The following NES variants were observed in gnomAD, a reference collection of about 807,000 sequenced individuals.
The protein encoded by NES is nestin.
A neutral mutation model predicts 35.6 loss-of-function variants in NES; 27 were observed. The ratio of observed to expected loss-of-function variants is 0.76; its 90% CI spans 0.56 to 1.04. The LOEUF (loss-of-function observed/expected upper bound fraction) is 1.04. NES is among the 50% of genes least tolerant of loss of function. NES has a pLI of 0.00. For missense variants in NES, 1,867 were observed against 1,983.6 expected (o/e 0.94, Z 1.12); for synonymous variants, 822 against 824.2 (o/e 1.00, Z 0.04).
chr1:156,673,435 A>T lies in NES; in HGVS notation c.982+19T>A, dbSNP rs750569377. 6.2e-7 allele frequency: 1 copy of T among 1,606,822 alleles called. No individual in the cohort carries two copies. Among genetic ancestry groups the T allele is most frequent in the Admixed American group, 1.7e-5 (1 of 59,498 alleles). ...GCAAAGCAGGGTAGTTTCTGGGGGA[A>T]CTTGGCCCCTCCTCTTACCCTGAAA... On this transcript the variant is annotated intron_variant, in intron 3 of 3. Transcript: ENST00000368223.
rs1245819918 is a variant in NES, at chr1:156,672,336, C to T, written c.1852G>A (p.Gly618Arg). Residue 618 changes from glycine (G) to arginine (R), a missense_variant, in exon 4 of 4, where the codon GGA (glycine) becomes AGA (arginine). By Grantham distance (125) the Gly-to-Arg change is moderately radical (BLOSUM62 -2). Transcript: ENST00000368223. ...KEAVGQLKPT[G>R]KEDTQTLQSL... ...TGCAATGTCTGTGTGTCCTCTTTTC[C>T]TGTAGGCTTAAGTTGGCCTACAGCC... 1 of 1,612,162 alleles carries T rather than the reference C, an allele frequency of 6.2e-7. No individual in the cohort carries two copies. Among genetic ancestry groups the T allele is most frequent in the South Asian group, 1.1e-5 (1 of 90,830 alleles).
chr1:156,671,455 C>T lies in NES; in HGVS notation c.2733G>A (p.Lys911=), dbSNP rs1289636375. The T allele has an allele frequency of 2.5e-5, 40 of 1,613,840 alleles. No homozygotes were observed. In the East Asian group the frequency reaches 8.9e-4, roughly 36 times the overall value. The stretch of plus-strand genomic sequence containing the variant: ...CCTCTTCCAGATTCCTTTGACTTTC[C>T]TTGTCTACCTCCTCTGGAGATCTCA... The part of the protein sequence containing the change: ...ENLRSPEEVD[K]ESQRNLEEEE... Residue 911 remains lysine, a synonymous_variant, in exon 4 of 4, where the codon AAG becomes AAA. Coordinates refer to ENST00000368223, the MANE Select transcript of NES (RefSeq NM_006617.2).
rs150490437 is a variant in NES at position 156,669,320 on chromosome 1, T to C, written c.*2A>G. The C allele has an allele frequency of 2.9e-5, 45 of 1,544,462 alleles. 1 individual carries two copies. In the African/African-American group the frequency reaches 5.6e-4, roughly 19 times the overall value. On this transcript the variant is annotated 3_prime_UTR_variant, in exon 4 of 4. Transcript: ENST00000368223. ...CCCCAGTGCCGGGCAGATGGTCTTTTCCTAGTCCTCCCCTGAGGACCAGGA... is the reference window on the plus strand; with the variant it reads ...CCCCAGTGCCGGGCAGATGGTCTTTCCCTAGTCCTCCCCTGAGGACCAGGA...
rs1282516761 is a variant in NES, at chr1:156,671,000, A to T, written c.3188T>A (p.Ile1063Lys). 3 of 1,611,120 alleles carry T rather than the reference A, an allele frequency of 1.9e-6. No homozygotes were observed. The highest frequency in any genetic ancestry group is 2.5e-6 in the Non-Finnish European group (3 of 1,179,066). Reference protein sequence around the residue: ...LQAPQGLPEAIEPLVEDDVAP... With the variant: ...LQAPQGLPEAKEPLVEDDVAP... Reference sequence around the variant, plus strand: ...CACATCATCTTCCACCAGGGGCTCTATCGCCTCTGGCAGCCCCTGGGGAGC... The same window carrying T: ...CACATCATCTTCCACCAGGGGCTCTTTCGCCTCTGGCAGCCCCTGGGGAGC... Residue 1063 changes from isoleucine (I) to lysine (K), a missense_variant, in exon 4 of 4, where the codon ATA (isoleucine) becomes AAA (lysine). Ile to Lys is a moderately radical substitution (Grantham distance 102). Transcript: ENST00000368223.
chr1:156,677,242 T>A lies in NES; in HGVS notation c.23A>T (p.Glu8Val), dbSNP rs566053868. 12 of 1,612,116 alleles carry A rather than the reference T, an allele frequency of 7.4e-6. No homozygotes were observed. Among genetic ancestry groups the A allele is most frequent in the Non-Finnish European group, 1.0e-5 (12 of 1,179,780 alleles). Residue 8 changes from glutamate (E) to valine (V), a missense_variant, in exon 1 of 4, where the codon GAG (glutamate) becomes GTG (valine). By Grantham distance (121) the Glu-to-Val change is moderately radical (BLOSUM62 -2). Coordinates refer to ENST00000368223, the MANE Select transcript of NES (RefSeq NM_006617.2). The surrounding 1 kb of genome is among the most constrained non-coding windows in gnomAD (Gnocchi z 4.5). MEGCMGEESFQMWELNRR... is the reference protein window; with the variant it reads MEGCMGEVSFQMWELNRR... ...ATTGAGCTCCCACATCTGAAACGAC[T>A]CCTCCCCCATGCAGCCCTCCATCCT... is the stretch of plus-strand genomic sequence containing the variant.
chr1:156,677,358 C>G lies in NES; in HGVS notation c.-94G>C, dbSNP rs1647338908. The stretch of plus-strand genomic sequence containing the variant: ...TTTTAGGACGGAAGAGAAAAGAGAC[C>G]GACGGGGACAATGACGGGGCGGGGC... On this transcript the variant is annotated 5_prime_UTR_variant, in exon 1 of 4. Transcript: ENST00000368223. This position sits in a 1 kb window ranked among gnomAD's most constrained non-coding sequence, Gnocchi z 4.5. The G allele has an allele frequency of 2.2e-6, 1 of 445,778 alleles. No homozygotes were observed. Among genetic ancestry groups the G allele is most frequent in the Non-Finnish European group, 3.8e-6 (1 of 261,208 alleles). The allele number at this position is 445,778 out of a possible 1,614,324, so 27.6% of individuals were successfully genotyped here. A position where few individuals can be genotyped will look rare whatever the true frequency, so the allele number is the denominator to read the frequency against.
chr1:156,670,442 A>G lies in NES; in HGVS notation c.3746T>C (p.Val1249Ala). ...CCCCAGGGCTTCAGCCCTCCCCTGC[A>G]CCCCCCAGCTAGCCTCCTGACTCCC... ...AEGSQEASWG[V>A]QGRAEALGKV... is the part of the protein sequence containing the mutation. Residue 1249 changes from valine to alanine, a missense_variant, in exon 4 of 4, where the codon GTG becomes GCG. Val to Ala is a moderately conservative substitution (Grantham distance 64). Coordinates refer to ENST00000368223, the MANE Select transcript of NES (RefSeq NM_006617.2). The G allele has an allele frequency of 6.4e-7, 1 of 1,559,304 alleles. No homozygotes were observed. Among genetic ancestry groups the G allele is most frequent in the Non-Finnish European group, 8.7e-7 (1 of 1,152,428 alleles).
rs761562198 is a variant in NES, at chr1:156,670,443, C to T, written c.3745G>A (p.Val1249Met). The T allele has an allele frequency of 1.9e-6, 3 of 1,560,734 alleles. No homozygotes were observed. The highest frequency in any genetic ancestry group is 1.4e-5 in the African/African-American group (1 of 73,484). Residue 1249 changes from valine (V) to methionine (M), a missense_variant, in exon 4 of 4, where the codon GTG becomes ATG. Physicochemically the swap from Val to Met is conservative, Grantham distance 21. Transcript: ENST00000368223. ...CCCAGGGCTTCAGCCCTCCCCTGCACCCCCCAGCTAGCCTCCTGACTCCCT... is the reference window on the plus strand; with the variant it reads ...CCCAGGGCTTCAGCCCTCCCCTGCATCCCCCAGCTAGCCTCCTGACTCCCT... ...AEGSQEASWGVQGRAEALGKV... is the reference protein window; with the variant it reads ...AEGSQEASWGMQGRAEALGKV...
Position 156,673,218 on chromosome 1 carries a change from AG to A in NES, c.983-14del, listed in dbSNP as rs1362710988. 1 of 1,493,828 alleles carries A rather than the reference AG, an allele frequency of 6.7e-7. No homozygotes were observed. Among genetic ancestry groups the A allele is most frequent in the Non-Finnish European group, 8.9e-7 (1 of 1,120,464 alleles). 92.5% of individuals were successfully genotyped at this position (1,493,828 alleles called of 1,614,324 possible). On this transcript the variant is annotated splice_polypyrimidine_tract_variant and intron_variant, in intron 3 of 3. Coordinates refer to ENST00000368223, the MANE Select transcript of NES (RefSeq NM_006617.2). ...TCCAGCTTGGGGTCTGGAAAGGCAGAGGGGGAAGAAACAGCATCAGTATATC... is the reference window on the plus strand; with the variant it reads ...TCCAGCTTGGGGTCTGGAAAGGCAGAGGGGAAGAAACAGCATCAGTATATC...
Position 156,670,256 on chromosome 1 carries a change from G to C in NES, c.3932C>G (p.Pro1311Arg). The C allele has an allele frequency of 6.2e-7, 1 of 1,612,052 alleles. No individual in the cohort carries two copies. The highest frequency in any genetic ancestry group is 8.5e-7 in the Non-Finnish European group (1 of 1,178,750). The part of the protein sequence containing the change: ...LGFYLRSPTS[P>R]RWDPTGEQRP... ...CTGCTCTCCAGTGGGGTCCCACCTG[G>C]GGGAGGTGGGGGACCTGAGGTAGAA... Residue 1311 changes from proline (P) to arginine (R), a missense_variant, in exon 4 of 4, where the codon CCC becomes CGC. Physicochemically the swap from Pro to Arg is moderately radical, Grantham distance 103 (BLOSUM62 -2). Transcript: ENST00000368223.
chr1:156,676,786 C>T lies in NES; in HGVS notation c.479G>A (p.Arg160His), dbSNP rs1281669064. Reference sequence around the variant, plus strand: ...AGGCCCGCGGGGCGGCGCGGGGCAGCGGGGGGCACAGGCAGCCTGCGCGTT... The same window carrying T: ...AGGCCCGCGGGGCGGCGCGGGGCAGTGGGGGGCACAGGCAGCCTGCGCGTT... ...GLNAQAACAP[R>H]CPAPPRGPPA... Residue 160 changes from arginine to histidine, a missense_variant, in exon 1 of 4, where the codon CGC becomes CAC. Physicochemically the swap from Arg to His is conservative, Grantham distance 29. Coordinates refer to ENST00000368223, the MANE Select transcript of NES (RefSeq NM_006617.2). The surrounding 1 kb of genome is among the most constrained non-coding windows in gnomAD (Gnocchi z 5.3). The T allele has an allele frequency of 3.6e-6, 5 of 1,387,648 alleles. No homozygotes were observed. Among genetic ancestry groups the T allele is most frequent in the Non-Finnish European group, 2.8e-6 (3 of 1,082,130 alleles). 86.0% of individuals were successfully genotyped at this position (1,387,648 alleles called of 1,614,324 possible). A position where few individuals can be genotyped will look rare whatever the true frequency, so the allele number is the denominator to read the frequency against.
rs1356528113 is a variant in NES at position 156,669,073 on chromosome 1, G to A, written c.*249C>T. 5.2e-6 allele frequency: 2 copies of A among 386,248 alleles called. No individual in the cohort carries two copies. Among genetic ancestry groups the A allele is most frequent in the African/African-American group, 4.1e-5 (2 of 48,806 alleles). The allele number at this position is 386,248 out of a possible 1,614,324, so 23.9% of individuals were successfully genotyped here. ...GTACTATCGGGATTCAGCTGACTTA[G>A]CCTATGAGATGGAGCAGGCAAGAGA... On this transcript the variant is annotated 3_prime_UTR_variant, in exon 4 of 4. Coordinates refer to ENST00000368223, the MANE Select transcript of NES (RefSeq NM_006617.2).
In NES at chr1:156,670,863, C is replaced by G. The variant is rs759996138; in HGVS notation, c.3325G>C (p.Gly1109Arg). Reference protein sequence around the residue: ...PGPGQGVGGLGDPGHLTREEV... With the variant: ...PGPGQGVGGLRDPGHLTREEV... ...TCCCTGGTCAGATGGCCTGGGTCCC[C>G]CAGCCCTCCCACCCCCTGCCCCGGG... The change falls in exon 4 of 4, where the codon GGG becomes CGG. Residue 1109 changes from glycine to arginine, a missense_variant. By Grantham distance (125) the Gly-to-Arg change is moderately radical (BLOSUM62 -2). Coordinates refer to ENST00000368223, the MANE Select transcript of NES (RefSeq NM_006617.2). 1 of 1,606,410 alleles carries G rather than the reference C, an allele frequency of 6.2e-7. No individual in the cohort carries two copies. The highest frequency in any genetic ancestry group is 1.1e-5 in the South Asian group (1 of 90,964).
At position 156,671,571 on chromosome 1, in the gene NES, A is replaced by T; in HGVS notation, c.2617T>A (p.Ser873Thr). The T allele has an allele frequency of 6.2e-7, 1 of 1,613,356 alleles. No individual in the cohort carries two copies. The highest frequency in any genetic ancestry group is 8.5e-7 in the Non-Finnish European group (1 of 1,179,894). ...LEKEIQEPLE[S>T]VEVNQETFRL... ...AATGTCTCTTGGTTCACTTCCACAGACTCCAGTGGTTCTTGAATTTCCTTT... is the reference window on the plus strand; with the variant it reads ...AATGTCTCTTGGTTCACTTCCACAGTCTCCAGTGGTTCTTGAATTTCCTTT... The change falls in exon 4 of 4, where the codon TCT (serine) becomes ACT (threonine). Residue 873 changes from serine (S) to threonine (T), a missense_variant. Ser to Thr is a moderately conservative substitution (Grantham distance 58). Coordinates refer to ENST00000368223, the MANE Select transcript of NES (RefSeq NM_006617.2).
rs1298738098 is a variant in NES at position 156,670,342 on chromosome 1, G to A, written c.3846C>T (p.Ser1282=). The change falls in exon 4 of 4, where the codon AGC becomes AGT. Residue 1282 remains serine, a synonymous_variant. Transcript: ENST00000368223. ...PEGPQEEGEE[S]REESEEDELG... is the part of the protein sequence containing the mutation. ...GCTCATCCTCCTCGCTCTCTTCTCTGCTCTCCTCCCCTTCCTCCTGGGGGC... is the reference window on the plus strand; with the variant it reads ...GCTCATCCTCCTCGCTCTCTTCTCTACTCTCCTCCCCTTCCTCCTGGGGGC... 1.4e-5 allele frequency: 23 copies of A among 1,611,356 alleles called. No individual in the cohort carries two copies. Among genetic ancestry groups the A allele is most frequent in the Non-Finnish European group, 1.9e-5 (22 of 1,178,462 alleles).
In NES at chr1:156,669,439, C is replaced by T. The variant is rs1325187484; in HGVS notation, c.4749G>A (p.Glu1583=). The T allele has an allele frequency of 6.2e-7, 1 of 1,613,888 alleles. No homozygotes were observed. Among genetic ancestry groups the T allele is most frequent in the African/African-American group, 1.3e-5 (1 of 75,006 alleles). ...CCCAAGAGGTCTTCAGAGCACTCCC[C>T]TCCTCCTCCTGAAAGGGGCTCCCTC... ...GDRGSPFQEE[E]GSALKTSWAG... The change falls in exon 4 of 4, where the codon GAG becomes GAA. Residue 1583 remains glutamate (E), a synonymous_variant. Transcript: ENST00000368223.
chr1:156,675,470 C>T, intron 1 of NES, 130 bp from the exon 2 acceptor site: 1 of 1,047,476 alleles, frequency 9.5e-7, no homozygotes, highest in Non-Finnish European at 1.3e-6. Context: ...TGTAGCAGAC[C>T]CCCGCCTCCC....
chr1:156,677,288 A>G lies in NES; in HGVS notation c.-24T>C, dbSNP rs755532237. 2 of 1,497,656 alleles carry G rather than the reference A, an allele frequency of 1.3e-6. No homozygotes were observed. Among genetic ancestry groups the G allele is most frequent in the South Asian group, 2.3e-5 (2 of 86,492 alleles). The allele number at this position is 1,497,656 out of a possible 1,614,324, so 92.8% of individuals were successfully genotyped here. ...ATCCTGCTCGTCTGACCCACTGAGG[A>G]TGGACAGACGCGGGGCACCGGGAGA... On this transcript the variant is annotated 5_prime_UTR_variant, in exon 1 of 4. Transcript: ENST00000368223. This position sits in a 1 kb window ranked among gnomAD's most constrained non-coding sequence, Gnocchi z 4.5.
At position 156,669,807 on chromosome 1, in the gene NES, C is replaced by T. The variant is rs150861980; in HGVS notation, c.4381G>A (p.Asp1461Asn). Reference protein sequence around the residue: ...SSQRGEFLESDSVSVSVPWDD... With the variant: ...SSQRGEFLESNSVSVSVPWDD... The stretch of plus-strand genomic sequence containing the variant: ...CAGGGGACACTGACACTCACAGAAT[C>T]AGACTCCAGGAATTCCCCTCTCTGG... The change falls in exon 4 of 4, where the codon GAT (aspartate) becomes AAT (asparagine). Residue 1461 changes from aspartate (D) to asparagine (N), a missense_variant. Transcript: ENST00000368223. The T allele has an allele frequency of 1.4e-5, 23 of 1,614,064 alleles. 1 individual carries two copies. The highest frequency in any genetic ancestry group is 1.9e-5 in the Non-Finnish European group (22 of 1,180,006).
Sources: allele counts gnomAD v4.1 joint callset, GRCh38; gene constraint gnomAD v4.1.1; non-coding constraint Gnocchi (gnomAD v3.1); transcripts MANE v1.5; gene names NCBI Gene and HGNC (gene_info 2026-07-23, HGNC 2026-07-21).